CEP128: variants seen among roughly 807,000 people sequenced by gnomAD.
CEP128 encodes the protein centrosomal protein 128.
Under a neutral mutation model 156.7 loss-of-function variants are expected in CEP128, and 132 were observed. The ratio of observed to expected loss-of-function variants is 0.84; its 90% CI spans 0.73 to 0.97. The LOEUF is 0.97. CEP128 is among the 50% of genes least tolerant of loss of function. CEP128 has a pLI of 0.00. For missense variants in CEP128, 1,252 were observed against 1,281.9 expected, an observed-to-expected ratio of 0.98 and a Z score of 0.36; for synonymous variants, 469 against 448.9, an observed-to-expected ratio of 1.04 and a Z score of -0.57.
intron 20 of CEP128, among the ~76,000 whole-genome samples, chr14:80,562,895 C>T (rs1160884937): frequency 5.9e-5 from 9 of 151,798 alleles, no homozygotes; most frequent in Non-Finnish European, 1.5e-5. Flanking sequence ...TACTCCTGGG[C>T]TCAAGCAATC....
At chr14:80,711,353 G>A (rs1035836341) in intron 19 of CEP128, among the ~76,000 whole-genome samples, 3 of 151,498 alleles carry the variant, frequency 2.0e-5, no homozygotes, top group African/African-American at 7.3e-5. Flanking sequence ...CTGTGTGTGT[G>A]TGTAACCACA....
intron 19 of CEP128, among the ~76,000 whole-genome samples, chr14:80,654,581 G>A (rs1167205933): frequency 1.3e-5 from 2 of 152,132 alleles, no homozygotes; most frequent in Non-Finnish European, 2.9e-5. Context: ...TTCAATTCCT[G>A]TAGTTTGGCT....
rs1043562528 is a variant in CEP128, at chr14:80,941,537, G to A, written c.-172+44C>T. 5 of 152,718 alleles carry A rather than the reference G, an allele frequency of 3.3e-5. No individual in the cohort carries two copies. In the East Asian group the frequency reaches 7.7e-4, roughly 23 times the overall value. The allele number at this position is 152,718 out of a possible 1,614,324, so 9.5% of individuals were successfully genotyped here. On this transcript the variant is annotated intron_variant, in intron 1 of 24. Transcript: ENST00000555265. ...GGACTAAAACGTCTACAGTAAGACG[G>A]GGAAGTGGTCGAAAAAGGGCAAGGG...
chr14:80,826,914 A>G (rs1885514064), intron 13 of CEP128, among the ~76,000 whole-genome samples: 2 of 152,228 alleles, frequency 1.3e-5, no homozygotes, highest in African/African-American at 4.8e-5. Context: ...TAGGCTATCA[A>G]GGTTAATGAG....
chr14:80,709,305 A>G (rs1345666455), intron 19 of CEP128, among the ~76,000 whole-genome samples: 1 of 151,698 alleles, frequency 6.6e-6, no homozygotes, highest in Non-Finnish European at 1.5e-5. Flanking sequence ...TGCCCAGCTA[A>G]TTTTGTATTT....
intron 2 of CEP128, among the ~76,000 whole-genome samples, chr14:80,927,804 G>A (rs1406405028): frequency 6.6e-6 from 1 of 152,184 alleles, no homozygotes; most frequent in Admixed American, 6.5e-5. Context: ...CCTCCTACTG[G>A]CCTGAAGCCT....
intron 19 of CEP128, among the ~76,000 whole-genome samples, chr14:80,648,216 G>A (rs899813819): frequency 6.6e-6 from 1 of 151,860 alleles, no homozygotes; most frequent in African/African-American, 2.4e-5. Context: ...TGGAGTTTAA[G>A]CAAAAGTATC....
rs1250167440 is a variant in CEP128, at chr14:80,917,504, T to C, written c.-15-942A>G. ...GGCCATTTTGCTGGCTGATTAAATA[T>C]AGTGTGATAAAAACATTTCTTTTTT... On this transcript the variant is annotated intron_variant, in intron 2 of 24. Coordinates refer to ENST00000555265, the MANE Select transcript of CEP128 (RefSeq NM_152446.5). Among the ~76,000 whole-genome samples the C allele has an allele frequency of 3.9e-5, 6 of 152,224 alleles. 1 individual carries two copies. Among genetic ancestry groups the C allele is most frequent in the South Asian group, 4.1e-4 (2 of 4,830 alleles).
chr14:80,519,487 C>T (rs189561507), intron 23 of CEP128, among the ~76,000 whole-genome samples: 213 of 152,242 alleles, frequency 1.4e-3, no homozygotes, highest in Non-Finnish European at 1.4e-3. Context: ...GGAACAAACA[C>T]GTATGTATTT....
chr14:80,684,311 A>G (rs749803249), intron 19 of CEP128, among the ~76,000 whole-genome samples: 1 of 152,166 alleles, frequency 6.6e-6, no homozygotes, highest in Non-Finnish European at 1.5e-5. Context: ...AGAGTATTAC[A>G]AACACCTCTA....
intron 2 of CEP128, among the ~76,000 whole-genome samples, chr14:80,924,390 T>C (rs1371070918): frequency 3.3e-5 from 5 of 152,206 alleles, no homozygotes; most frequent in African/African-American, 4.8e-5. Flanking sequence ...CAGAATCAGA[T>C]ACTTAAATTG....
intron 19 of CEP128, among the ~76,000 whole-genome samples, chr14:80,592,473 T>C (rs947767628): frequency 3.3e-5 from 5 of 152,200 alleles, no homozygotes; most frequent in Admixed American, 6.5e-5. Context: ...AATCCCTGAA[T>C]AGGCCAATAA....
At chr14:80,504,655 T>C (rs908197995) in intron 24 of CEP128, among the ~76,000 whole-genome samples, 3 of 152,216 alleles carry the variant, frequency 2.0e-5, no homozygotes, top group Admixed American at 2.0e-4. Flanking sequence ...AACGAAAAAT[T>C]TGCCTAATTA....
chr14:80,806,430 GA>G (rs1402398105), intron 13 of CEP128, among the ~76,000 whole-genome samples: 1 of 152,054 alleles, frequency 6.6e-6, no homozygotes, highest in Non-Finnish European at 1.5e-5. Flanking sequence ...AAACACAAGG[GA>G]CATGTAATTA....
chr14:80,506,414 T>A (rs1242534357), intron 23 of CEP128, among the ~76,000 whole-genome samples: 2 of 150,464 alleles, frequency 1.3e-5, no homozygotes, highest in South Asian at 4.2e-4. Context: ...TGATTTATTT[T>A]TTTTTTTTTC....
chr14:80,552,306 T>A (rs1445071036), intron 21 of CEP128, among the ~76,000 whole-genome samples: 123 of 122,168 alleles, frequency 1.0e-3, no homozygotes, highest in African/African-American at 3.9e-3. Flanking sequence ...TGAAACTCCA[T>A]CTCAAAAAAA....
intron 8 of CEP128, among the ~76,000 whole-genome samples, chr14:80,889,927 C>A (rs1230331554): frequency 1.3e-5 from 2 of 151,932 alleles, no homozygotes; most frequent in Non-Finnish European, 2.9e-5. Flanking sequence ...AACATATTTA[C>A]AAGAAAAAAA....
rs1032456977 is a variant in CEP128, at chr14:80,939,425, T to C, written c.-56A>G. 3.3e-5 allele frequency: 5 copies of C among 152,154 alleles called. No individual in the cohort carries two copies. Among genetic ancestry groups the C allele is most frequent in the Non-Finnish European group, 7.4e-5 (5 of 68,026 alleles). The allele number at this position is 152,154 out of a possible 1,614,324, so 9.4% of individuals were successfully genotyped here. A position where few individuals can be genotyped will look rare whatever the true frequency, so the allele number is the denominator to read the frequency against. The stretch of plus-strand genomic sequence containing the variant: ...AACTCCGAGTTGCTCTTCTCTGAGC[T>C]CAACGCTCTTTTTAGGCACATATGT... On this transcript the variant is annotated 5_prime_UTR_variant, in exon 2 of 25. Transcript: ENST00000555265.
chr14:80,846,684 C>G (rs992233401), intron 9 of CEP128, among the ~76,000 whole-genome samples: 26 of 151,978 alleles, frequency 1.7e-4, no homozygotes, highest in Non-Finnish European at 2.4e-4. Flanking sequence ...TAATTAATAG[C>G]CTTTAGTATT....
Sources: gnomAD v4.1 joint callset for allele counts (sites outside exome capture counted in the v4.1 genomes callset) on GRCh38, gnomAD v4.1.1 for gene constraint, MANE v1.5 for transcripts, NCBI Gene and HGNC (gene_info 2026-07-23, HGNC 2026-07-21) for gene names.